The following RBFOX1 variants were observed in gnomAD, a reference collection of about 807,000 sequenced individuals.
The protein encoded by RBFOX1 is RNA binding fox-1 homolog 1, also known as RNA binding protein fox-1 homolog 1.
In RBFOX1, 8 loss-of-function variants were observed where a neutral mutation model predicts 57.7. The ratio of observed to expected loss-of-function variants is 0.14; its 90% CI spans 0.08 to 0.25. RBFOX1 has a LOEUF of 0.25. Ranked by LOEUF, RBFOX1 falls within the 10% of genes least tolerant of loss-of-function variation. The pLI is 1.00. For synonymous variants in RBFOX1, 326 were observed against 222.4 expected (o/e 1.47, Z -4.15); for missense variants, 611 against 548.5 (o/e 1.11, Z -1.14).
intron 1 of RBFOX1, among the ~76,000 whole-genome samples, chr16:6,118,850 T>C (rs1046291298): frequency 1.3e-5 from 2 of 151,666 alleles, no homozygotes; most frequent in Non-Finnish European, 2.9e-5. Flanking sequence ...CCCCATCTTC[T>C]TCACTAATCC....
intron 4 of RBFOX1, among the ~76,000 whole-genome samples, chr16:7,382,514 G>C (rs2097796680): frequency 2.0e-5 from 3 of 152,238 alleles, no homozygotes; most frequent in Admixed American, 1.3e-4. Context: ...GTGTTACAAA[G>C]ATAGTGCAGC....
At chr16:6,020,073 C>G in intron 1 of RBFOX1, 81 bp downstream of exon 1, 1 of 1,334,746 alleles carries the variant, frequency 7.5e-7, no homozygotes, top group Non-Finnish European at 9.7e-7. Flanking sequence ...GAGGGAAGCG[C>G]TAGGTCCCCG....
chr16:6,354,189 C>T (rs1164439355), intron 2 of RBFOX1, among the ~76,000 whole-genome samples: 1 of 152,072 alleles, frequency 6.6e-6, no homozygotes, highest in African/African-American at 2.4e-5. Context: ...TAGTGCACCC[C>T]AGCCTGGGTG....
At chr16:6,237,206 G>C (rs2097511612) in intron 1 of RBFOX1, among the ~76,000 whole-genome samples, 1 of 152,094 alleles carries the variant, frequency 6.6e-6, no homozygotes, top group African/African-American at 2.4e-5. Context: ...AATTTCGTTA[G>C]GTATTTCGTC....
intron 1 of RBFOX1, among the ~76,000 whole-genome samples, chr16:6,101,350 G>C (rs901672045): frequency 1.6e-4 from 24 of 152,082 alleles, no homozygotes; most frequent in Non-Finnish European, 3.1e-4. Flanking sequence ...TCCTGTACAC[G>C]ATGTCCTCAT....
At chr16:5,398,868 C>G (rs761537573) in intron 1 of RBFOX1, among the ~76,000 whole-genome samples, 1 of 152,174 alleles carries the variant, frequency 6.6e-6, no homozygotes, top group African/African-American at 2.4e-5. Flanking sequence ...AGGCGTAACC[C>G]GCAGCATCCA....
intron 5 of RBFOX1, among the ~76,000 whole-genome samples, chr16:7,520,674 C>A (rs1328846110): frequency 6.6e-6 from 1 of 152,096 alleles, no homozygotes; most frequent in Non-Finnish European, 1.5e-5. Context: ...TAGGCATGGG[C>A]CTTTTAAATG....
chr16:5,240,631 T>G (rs527333836), intron 1 of RBFOX1, among the ~76,000 whole-genome samples: 112 of 152,268 alleles, frequency 7.4e-4, no homozygotes, highest in African/African-American at 2.4e-3. Flanking sequence ...CAGCGAGAGT[T>G]GAGAGGAGGC....
intron 2 of RBFOX1, among the ~76,000 whole-genome samples, chr16:6,545,809 A>C (rs139846047): frequency 4.8e-4 from 73 of 152,364 alleles, no homozygotes; most frequent in Non-Finnish European, 2.9e-4. Context: ...TCAAAGCTAT[A>C]GGAGAGTAAT....
At chr16:6,652,063 A>G (rs1298212258) in intron 2 of RBFOX1, among the ~76,000 whole-genome samples, 2 of 152,102 alleles carry the variant, frequency 1.3e-5, no homozygotes, top group Non-Finnish European at 2.9e-5. Flanking sequence ...TTCCAATGTG[A>G]TTGTGTTTTG....
chr16:7,492,545 A>G (rs11077192), intron 4 of RBFOX1, among the ~76,000 whole-genome samples: 107,255 of 152,012 alleles, frequency 0.71, 40,588 homozygotes, highest in Non-Finnish European at 0.85. Context: ...ACTAAATAAA[A>G]TTAAAATTCA....
intron 4 of RBFOX1, among the ~76,000 whole-genome samples, chr16:5,905,815 C>G (rs902758525): frequency 6.6e-6 from 1 of 152,138 alleles, no homozygotes; most frequent in Admixed American, 6.5e-5. Flanking sequence ...AAAACTGATC[C>G]ACTCCCAAGC....
intron 3 of RBFOX1, among the ~76,000 whole-genome samples, chr16:5,829,011 A>C (rs2056172448): frequency 6.6e-6 from 1 of 152,164 alleles, no homozygotes; most frequent in African/African-American, 2.4e-5. Flanking sequence ...CTAGGGCTGC[A>C]GATATCCGAA....
chr16:5,349,176 A>G (rs1004693596), intron 1 of RBFOX1, among the ~76,000 whole-genome samples: 2 of 152,228 alleles, frequency 1.3e-5, no homozygotes, highest in Admixed American at 6.5e-5. Context: ...TGCTAAGGGA[A>G]GTAAACCAAT....
At chr16:7,414,341 G>A (rs1440760358) in intron 4 of RBFOX1, among the ~76,000 whole-genome samples, 1 of 152,200 alleles carries the variant, frequency 6.6e-6, no homozygotes, top group African/African-American at 2.4e-5. Context: ...TGGAGTAAAA[G>A]TAAGGTAAGA....
intron 1 of RBFOX1, among the ~76,000 whole-genome samples, chr16:6,223,414 C>T (rs921726806): frequency 2.7e-5 from 4 of 146,256 alleles, no homozygotes; most frequent in African/African-American, 9.8e-5. Context: ...GAGATGGTAT[C>T]TCATTGTGGT....
intron 2 of RBFOX1, among the ~76,000 whole-genome samples, chr16:6,344,960 C>T (rs566614163): frequency 5.9e-5 from 9 of 152,160 alleles, no homozygotes; most frequent in East Asian, 1.9e-4. Context: ...CCACCGAGCC[C>T]GGCCTGGTCT....
At chr16:5,555,728 A>G (rs2045644125) in intron 2 of RBFOX1, among the ~76,000 whole-genome samples, 1 of 149,182 alleles carries the variant, frequency 6.7e-6, no homozygotes, top group Admixed American at 6.8e-5. Context: ...CATTTGAAAG[A>G]CCCTCTCCCT....
chr16:7,079,554 T>C lies in RBFOX1; in HGVS notation c.27+27456T>C, dbSNP rs559537654. Among the ~76,000 whole-genome samples the C allele has an allele frequency of 1.8e-4, 27 of 152,302 alleles. 1 individual carries two copies. In the South Asian group the frequency reaches 4.3e-3, roughly 25 times the overall value. ...AAATTCTTGGAGTATTTAGAGGTGG[T>C]GTCACATCTGTTTCTCTCCCTCTGT... On this transcript the variant is annotated intron_variant, in intron 4 of 15. Coordinates refer to ENST00000550418, the MANE Select transcript of RBFOX1 (RefSeq NM_018723.4).
Sources: allele counts gnomAD v4.1 joint callset (sites outside exome capture counted in the v4.1 genomes callset), GRCh38; gene constraint gnomAD v4.1.1; transcripts MANE v1.5; gene names NCBI Gene and HGNC (gene_info 2026-07-23, HGNC 2026-07-21).